Variants in CACNA2D3 observed in about 807,000 individuals in gnomAD.
CACNA2D3 encodes the protein voltage-dependent calcium channel subunit alpha-2/delta-3.
CACNA2D3 carries 60 observed loss-of-function variants against 160.6 expected under a neutral mutation model. That is an observed-to-expected ratio of 0.37 (90% confidence interval 0.30 to 0.46). The LOEUF is 0.46. CACNA2D3 is among the 20% of genes least tolerant of loss of function. CACNA2D3 has a pLI of 1.00. For missense variants in CACNA2D3, 1,205 were observed against 1,365.0 expected (o/e 0.88, Z 1.85); for synonymous variants, 558 against 492.9 (o/e 1.13, Z -1.75).
At chr3:54,269,287 T>C (rs914013060) in intron 2 of CACNA2D3, among the ~76,000 whole-genome samples, 2 of 151,928 alleles carry the variant, frequency 1.3e-5, no homozygotes, top group Admixed American at 6.6e-5. Context: ...TATTGCTGGA[T>C]CTAGTGTGTG....
At chr3:54,229,441 C>G (rs1701731303) in intron 2 of CACNA2D3, among the ~76,000 whole-genome samples, 1 of 152,164 alleles carries the variant, frequency 6.6e-6, no homozygotes, top group South Asian at 2.1e-4. Context: ...GATCTGCCTG[C>G]CTTGGCCTCC....
intron 11 of CACNA2D3, among the ~76,000 whole-genome samples, chr3:54,724,450 A>G (rs1701238686): frequency 6.6e-6 from 1 of 152,212 alleles, no homozygotes; most frequent in South Asian, 2.1e-4. Flanking sequence ...TCCATCCCAA[A>G]TAAACAGAAT....
intron 9 of CACNA2D3, among the ~76,000 whole-genome samples, chr3:54,582,666 G>C (rs766223167): frequency 3.9e-5 from 6 of 152,186 alleles, no homozygotes; most frequent in East Asian, 1.9e-4. Flanking sequence ...CTGACACACA[G>C]AGCTGCTCTT....
chr3:54,612,213 T>C (rs758758206), intron 9 of CACNA2D3, among the ~76,000 whole-genome samples: 22 of 152,204 alleles, frequency 1.4e-4, no homozygotes, highest in Non-Finnish European at 3.2e-4. Context: ...GCACACCCTG[T>C]TGGAGGAGAA....
chr3:54,695,707 A>G (rs1700652301), intron 11 of CACNA2D3, among the ~76,000 whole-genome samples: 1 of 152,066 alleles, frequency 6.6e-6, no homozygotes, highest in South Asian at 2.1e-4. Flanking sequence ...AGTCATTCAT[A>G]TTTTCTTCTC....
chr3:54,462,091 G>C (rs1214015989), intron 4 of CACNA2D3, among the ~76,000 whole-genome samples: 20 of 152,244 alleles, frequency 1.3e-4, no homozygotes, highest in Non-Finnish European at 2.9e-4. Flanking sequence ...GTGGTTTTGA[G>C]TGAGTTTCTT....
chr3:54,295,532 G>A (rs916789362), intron 2 of CACNA2D3, among the ~76,000 whole-genome samples: 3 of 152,270 alleles, frequency 2.0e-5, no homozygotes, highest in Non-Finnish European at 4.4e-5. Context: ...CTGGAAAGAC[G>A]GGACAACTCA....
intron 11 of CACNA2D3, among the ~76,000 whole-genome samples, chr3:54,660,471 T>C (rs1363993838): frequency 5.3e-5 from 8 of 152,202 alleles, no homozygotes; most frequent in Admixed American, 4.6e-4. Flanking sequence ...CTTTCTAAGC[T>C]AACTTTATTG....
chr3:54,135,678 T>C (rs747717719), intron 2 of CACNA2D3, among the ~76,000 whole-genome samples: 4 of 152,228 alleles, frequency 2.6e-5, no homozygotes, highest in Admixed American at 6.5e-5. Flanking sequence ...TTCTGCTACG[T>C]AGAGCACTGT....
chr3:54,404,331 A>C (rs1477024222), intron 4 of CACNA2D3, among the ~76,000 whole-genome samples: 1 of 152,180 alleles, frequency 6.6e-6, no homozygotes, highest in Non-Finnish European at 1.5e-5. Context: ...GCCATGTAAG[A>C]CTAGCATATA....
At chr3:54,350,870 A>ATG (rs1434311033) in intron 3 of CACNA2D3, among the ~76,000 whole-genome samples, 1 of 150,816 alleles carries the variant, frequency 6.6e-6, no homozygotes, top group East Asian at 2.0e-4. Context: ...TTTAACATCC[A>ATG]TGTGTGTGTG....
chr3:55,024,571 G>T (rs1014270565), intron 35 of CACNA2D3, among the ~76,000 whole-genome samples: 1 of 152,132 alleles, frequency 6.6e-6, no homozygotes, highest in Non-Finnish European at 1.5e-5. Flanking sequence ...CAGCTAAAAG[G>T]TGTTATCATT....
rs142908503 is a variant in CACNA2D3, at chr3:54,277,440, A to T, written c.205-43002A>T. ...TTTATAAACGATTAGATGGTTGTAG[A>T]TGTGTGGCATTATTTCTGAGGCCTC... On this transcript the variant is annotated intron_variant, in intron 2 of 37. Coordinates refer to ENST00000474759, the MANE Select transcript of CACNA2D3 (RefSeq NM_018398.3). Among the ~76,000 whole-genome samples, 1,510 of 152,176 alleles carry T rather than the reference A, an allele frequency of 9.9e-3. 32 individuals carry two copies. The highest frequency in any genetic ancestry group is 0.05 in the Admixed American group (766 of 15,284).
At chr3:54,199,937 A>C (rs938826577) in intron 2 of CACNA2D3, among the ~76,000 whole-genome samples, 1 of 152,236 alleles carries the variant, frequency 6.6e-6, no homozygotes, top group Admixed American at 6.5e-5. Context: ...TTAGTAAATA[A>C]AGTTTTATTG....
intron 11 of CACNA2D3, among the ~76,000 whole-genome samples, chr3:54,690,958 T>C (rs1700559668): frequency 6.6e-6 from 1 of 152,184 alleles, no homozygotes; most frequent in South Asian, 2.1e-4. Flanking sequence ...TCTATTATTC[T>C]ATTTTATGGT....
At chr3:54,558,709 G>C (rs1702278094) in intron 5 of CACNA2D3, among the ~76,000 whole-genome samples, 1 of 152,040 alleles carries the variant, frequency 6.6e-6, no homozygotes, top group Admixed American at 6.5e-5. Flanking sequence ...TCAGGATAAT[G>C]GCCTCTGGCT....
intron 4 of CACNA2D3, among the ~76,000 whole-genome samples, chr3:54,492,793 A>G (rs1430093128): frequency 6.6e-6 from 1 of 152,186 alleles, no homozygotes; most frequent in Non-Finnish European, 1.5e-5. Context: ...TTGTTCATTG[A>G]AAAAGAAAAA....
chr3:54,761,761 A>G (rs1314137910), intron 12 of CACNA2D3, among the ~76,000 whole-genome samples: 2 of 152,178 alleles, frequency 1.3e-5, no homozygotes, highest in African/African-American at 2.4e-5. Context: ...GGCAGGAGTG[A>G]CAATGCATGC....
At chr3:54,567,271 T>G (rs1702423473) in intron 6 of CACNA2D3, among the ~76,000 whole-genome samples, 2 of 152,218 alleles carry the variant, frequency 1.3e-5, no homozygotes, top group South Asian at 4.1e-4. Flanking sequence ...CATGTATTTT[T>G]GATCAGATAT....
Sources: allele counts gnomAD v4.1 joint callset (sites outside exome capture counted in the v4.1 genomes callset), GRCh38; gene constraint gnomAD v4.1.1; transcripts MANE v1.5; gene names NCBI Gene and HGNC (gene_info 2026-07-23, HGNC 2026-07-21).